HEXB: variants seen among roughly 807,000 people sequenced by gnomAD.
The protein encoded by HEXB is beta-hexosaminidase subunit beta.
Under a neutral mutation model 71.2 loss-of-function variants are expected in HEXB, and 51 were observed. The observed-to-expected ratio is 0.72, with a 90% CI of 0.57 to 0.90. The LOEUF (loss-of-function observed/expected upper bound fraction) is 0.90, where lower values mean the gene tolerates loss of function less well. HEXB is among the 40% of genes least tolerant of loss of function. HEXB has a pLI of 0.00. For synonymous variants in HEXB, 266 were observed against 249.3 expected (o/e 1.07, Z -0.63); for missense variants, 617 against 677.0 (o/e 0.91, Z 0.98).
At chr5:74,720,799 A>G in intron 13 of HEXB, 52 bp downstream of exon 13, 1 of 1,382,292 alleles carries the variant, frequency 7.2e-7, no homozygotes, top group Non-Finnish European at 1.0e-6. Context: ...ATTCAGTGTT[A>G]GTTTCTTTTG....
chr5:74,721,035 G>A, intron 13 of HEXB, 83 bp from the exon 14 acceptor site: 2 of 1,139,534 alleles, frequency 1.8e-6, no homozygotes, highest in Non-Finnish European at 2.6e-6. Context: ...TTTCTAAGAT[G>A]ACATGAATAT....
intron 1 of HEXB, among the ~76,000 whole-genome samples, chr5:74,675,742 TG>T (rs1748618721): frequency 6.6e-6 from 1 of 152,210 alleles, no homozygotes; most frequent in Non-Finnish European, 1.5e-5. Context: ...GTGATATGAC[TG>T]ACTTTACATT....
chr5:74,641,926 G>C lies in HEXB; in HGVS notation c.-377+1368G>C, dbSNP rs1747901331. On this transcript the variant is annotated intron_variant, in intron 1 of 13. Transcript: ENST00000511181. The surrounding 1 kb of genome is among the most constrained non-coding windows in gnomAD (Gnocchi z 4.1). ...GTAGTCACTTAGCAACAATGTCCCA[G>C]CTCTGCAGCTCGAGAGTGAGGGCCC... is the stretch of plus-strand genomic sequence containing the variant. Among the ~76,000 whole-genome samples the C allele has an allele frequency of 6.6e-6, 1 of 152,168 alleles. No homozygotes were observed. The highest frequency in any genetic ancestry group is 1.5e-5 in the Non-Finnish European group (1 of 68,034).
At chr5:74,679,029 G>A (rs545219829) in intron 1 of HEXB, among the ~76,000 whole-genome samples, 26 of 152,178 alleles carry the variant, frequency 1.7e-4, no homozygotes, top group Non-Finnish European at 2.9e-4. Flanking sequence ...CACTGTTGCC[G>A]TTTTTGGGGG....
At position 74,705,313 on chromosome 5, in the gene HEXB, G is replaced by A. The variant is rs775287652; in HGVS notation, c.764G>A (p.Ser255Asn). 6.5e-7 allele frequency: 1 copy of A among 1,540,936 alleles called. No homozygotes were observed. The highest frequency in any genetic ancestry group is 1.1e-5 in the South Asian group (1 of 89,594). ...PYQSITFPEL[S>N]NKGSYSLSHV... The stretch of plus-strand genomic sequence containing the variant: ...CAGAGCATCACTTTTCCTGAGTTAA[G>A]CAATAAAGTGAGTAAATTGTATTGT... Residue 255 changes from serine (S) to asparagine (N), a missense_variant, in exon 6 of 14, where the codon AGC becomes AAC. Physicochemically the swap from Ser to Asn is conservative, Grantham distance 46. Transcript: ENST00000261416.
chr5:74,702,691 G>A (rs1458744536), intron 5 of HEXB, among the ~76,000 whole-genome samples: 1 of 152,130 alleles, frequency 6.6e-6, no homozygotes, highest in Non-Finnish European at 1.5e-5. Context: ...TCTTGAGACC[G>A]TGTAAAATCC....
upstream of HEXB, among the ~76,000 whole-genome samples, chr5:74,682,274 C>T (rs113062404): frequency 1.3e-5 from 2 of 152,228 alleles, no homozygotes; most frequent in African/African-American, 4.8e-5. Context: ...AGGAGAATGG[C>T]GTGAACCCGG....
Position 74,705,549 on chromosome 5 carries a change from A to T in HEXB, c.771+229A>T, listed in dbSNP as rs566116341. On this transcript the variant is annotated intron_variant, in intron 6 of 13. Coordinates refer to ENST00000261416, the MANE Select transcript of HEXB (RefSeq NM_000521.4). ...ACTGTGAATATAAACAATCTTGGGG[A>T]AGTGTAAATCGAAATTTAACAAGGT... 1.4e-5 allele frequency: 7 copies of T among 513,438 alleles called. No homozygotes were observed. In the Admixed American group the frequency reaches 1.6e-4, roughly 12 times the overall value. The allele number at this position is 513,438 out of a possible 1,614,324, so 31.8% of individuals were successfully genotyped here.
upstream of HEXB, chr5:74,685,189 A>G: frequency 1.4e-6 from 2 of 1,421,452 alleles, no homozygotes; most frequent in Non-Finnish European, 1.8e-6. Flanking sequence ...GCTTCCTCTG[A>G]TCCGGGCCGG....
chr5:74,666,954 G>C (rs535396461), intron 1 of HEXB, among the ~76,000 whole-genome samples: 12 of 152,168 alleles, frequency 7.9e-5, no homozygotes, highest in Admixed American at 7.8e-4. Flanking sequence ...GGGGAATTTA[G>C]TTTTTCTATG....
chr5:74,646,080 C>G (rs1747996942), intron 1 of HEXB, among the ~76,000 whole-genome samples: 4 of 151,868 alleles, frequency 2.6e-5, no homozygotes, highest in African/African-American at 9.7e-5. Context: ...CCTTCATTTC[C>G]TAATCTGTAG....
intron 6 of HEXB, among the ~76,000 whole-genome samples, chr5:74,708,489 G>A (rs1182065106): frequency 6.6e-6 from 1 of 150,520 alleles, no homozygotes; most frequent in Non-Finnish European, 1.5e-5. Flanking sequence ...AAAAGACACA[G>A]ACTGGCAAAT....
intron 1 of HEXB, among the ~76,000 whole-genome samples, chr5:74,661,332 A>T (rs1469108185): frequency 6.6e-6 from 1 of 152,190 alleles, no homozygotes; most frequent in African/African-American, 2.4e-5. Flanking sequence ...AAAATCAGGA[A>T]AAACAGGAGG....
intron 8 of HEXB, 21 bp downstream of exon 8, chr5:74,715,711 C>A: frequency 6.5e-7 from 1 of 1,533,614 alleles, no homozygotes; most frequent in Non-Finnish European, 9.0e-7. Flanking sequence ...TCCTTAAAAC[C>A]CCTTTAAAAA....
intron 1 of HEXB, among the ~76,000 whole-genome samples, chr5:74,651,743 C>T (rs181743217): frequency 1.2e-4 from 18 of 152,306 alleles, no homozygotes; most frequent in Admixed American, 9.2e-4. Flanking sequence ...CATCTCTGTG[C>T]TTTTCCTCTC....
chr5:74,707,448 C>T (rs1417221666), intron 6 of HEXB, among the ~76,000 whole-genome samples: 1 of 152,182 alleles, frequency 6.6e-6, no homozygotes, highest in African/African-American at 2.4e-5. Context: ...CGGAGAATGA[C>T]TTTGATGAGT....
intron 2 of HEXB, among the ~76,000 whole-genome samples, chr5:74,690,317 A>G (rs564385227): frequency 5.6e-4 from 86 of 152,264 alleles, no homozygotes; most frequent in Non-Finnish European, 9.6e-4. Context: ...CATGTGTAAT[A>G]TAAGATTCGT....
chr5:74,718,087 A>G (rs564309700), intron 9 of HEXB, among the ~76,000 whole-genome samples: 1 of 152,322 alleles, frequency 6.6e-6, no homozygotes, highest in South Asian at 2.1e-4. Flanking sequence ...TTAAACCCCC[A>G]TACTATGTTA....
rs75855023 is a variant in HEXB, at chr5:74,666,706, G to T, written c.-376-22622G>T. ...CGCTAATTAGAAGGCACCTCACCATGGTCAATTCTCTCCCTCTATCAATCA... is the reference window on the plus strand; with the variant it reads ...CGCTAATTAGAAGGCACCTCACCATTGTCAATTCTCTCCCTCTATCAATCA... On this transcript the variant is annotated intron_variant, in intron 1 of 13. Coordinates refer to the HEXB transcript ENST00000511181. Among the ~76,000 whole-genome samples, 471 of 152,208 alleles carry T rather than the reference G, an allele frequency of 3.1e-3. 2 individuals carry two copies. The highest frequency in any genetic ancestry group is 0.011 in the African/African-American group (447 of 41,536).
Sources: allele counts gnomAD v4.1 joint callset (sites outside exome capture counted in the v4.1 genomes callset), GRCh38; gene constraint gnomAD v4.1.1; non-coding constraint Gnocchi (gnomAD v3.1); transcripts MANE v1.5; gene names NCBI Gene and HGNC (gene_info 2026-07-23, HGNC 2026-07-21).